The following COX10 variants were observed in gnomAD, a reference collection of about 807,000 sequenced individuals.
COX10 encodes cytochrome c oxidase assembly factor heme A:farnesyltransferase COX10, also known as protoheme IX farnesyltransferase, mitochondrial.
In COX10, 27 loss-of-function variants were observed where a neutral mutation model predicts 37.3. The ratio of observed to expected loss-of-function variants is 0.72; its 90% CI spans 0.53 to 1.00. COX10 has a LOEUF of 1.00. Among genes scored for constraint, COX10 ranks in the 50% least tolerant of loss-of-function variants. The pLI is 0.00. For missense variants in COX10, 475 were observed against 563.2 expected, an observed-to-expected ratio of 0.84 and a Z score of 1.59; for synonymous variants, 222 against 229.1, an observed-to-expected ratio of 0.97 and a Z score of 0.28.
At chr17:14,155,731 A>C (rs952471694) in intron 4 of COX10, among the ~76,000 whole-genome samples, 7 of 142,770 alleles carry the variant, frequency 4.9e-5, no homozygotes, top group East Asian at 2.0e-4. Context: ...AAAAAGAAAA[A>C]AAAAGAAAAC....
rs141973750 is a variant in COX10, at chr17:14,146,432, C to A, written c.625-13445C>A. 1.3e-4 allele frequency among the ~76,000 whole-genome samples: 20 copies of A among 152,226 alleles called. No homozygotes were observed. In the East Asian group the frequency reaches 3.7e-3, roughly 28 times the overall value. Reference sequence around the variant, plus strand: ...TCTTCAATAAATGGTGCAGGGAAAACTGGGTATTTATATTCAGAAGAATGA... The same window carrying A: ...TCTTCAATAAATGGTGCAGGGAAAAATGGGTATTTATATTCAGAAGAATGA... On this transcript the variant is annotated intron_variant, in intron 4 of 6. Transcript: ENST00000261643.
chr17:14,141,022 A>T (rs760790333), intron 4 of COX10, among the ~76,000 whole-genome samples: 10 of 152,146 alleles, frequency 6.6e-5, no homozygotes, highest in Non-Finnish European at 1.5e-4. Flanking sequence ...TTCAGAATTC[A>T]TACATGGATA....
At chr17:14,180,001 TAAA>T (rs1334827618) in intron 5 of COX10, among the ~76,000 whole-genome samples, 3 of 152,212 alleles carry the variant, frequency 2.0e-5, no homozygotes, top group Non-Finnish European at 4.4e-5. Flanking sequence ...ATTATTAACT[TAAA>T]GAACAGGGTT....
At position 14,077,011 on chromosome 17, in the gene COX10, G is replaced by T. The variant is rs767163386; in HGVS notation, c.454G>T (p.Asp152Tyr). 1.1e-5 allele frequency: 17 copies of T among 1,613,656 alleles called. No homozygotes were observed. The highest frequency in any genetic ancestry group is 1.3e-5 in the African/African-American group (1 of 74,756). ...GAAAGAGATGAAGCTGCAAGTGTAT[G>T]ATTTGCCAGGAATTTTGGCTCGACT... ...RWKEMKLQVY[D>Y]LPGILARLSK... Residue 152 changes from aspartate to tyrosine, a missense_variant, in exon 3 of 7, where the codon GAT becomes TAT. By Grantham distance (160) the Asp-to-Tyr change is radical (BLOSUM62 -3). Around this residue, in one of 5 missense-constraint regions of COX10, gnomAD observed 242 missense variants for 242.5 expected, o/e 1.00. Transcript: ENST00000261643.
At chr17:14,081,534 A>G (rs1373585031) in intron 3 of COX10, among the ~76,000 whole-genome samples, 5 of 152,186 alleles carry the variant, frequency 3.3e-5, no homozygotes, top group African/African-American at 9.6e-5. Flanking sequence ...TCTAGGCTCT[A>G]TCCTGTTCTG....
At chr17:14,181,994 G>A in intron 5 of COX10, 1 of 960,514 alleles carries the variant, frequency 1.0e-6, no homozygotes, top group Non-Finnish European at 1.2e-6. Flanking sequence ...ATTCATTTTG[G>A]TATTTTTTTC....
At chr17:14,164,599 T>G (rs1323191042) in intron 5 of COX10, among the ~76,000 whole-genome samples, 2 of 152,202 alleles carry the variant, frequency 1.3e-5, no homozygotes, top group South Asian at 2.1e-4. Flanking sequence ...TTTTCCAGAT[T>G]TCATCATTTG....
intron 1 of COX10, 41 bp from the exon 2 acceptor site, chr17:14,074,282 C>T (rs372619044): frequency 2.9e-5 from 46 of 1,612,514 alleles, no homozygotes; most frequent in Non-Finnish European, 3.6e-5. Flanking sequence ...ATAAGAAGTA[C>T]GAATCATTTA....
chr17:14,093,655 C>T (rs1272808889), intron 3 of COX10, among the ~76,000 whole-genome samples: 1 of 152,148 alleles, frequency 6.6e-6, no homozygotes, highest in East Asian at 1.9e-4. Context: ...GCATGCATGG[C>T]AGGGCTGCTT....
At chr17:14,107,875 G>A (rs1915931138) in intron 4 of COX10, among the ~76,000 whole-genome samples, 1 of 152,122 alleles carries the variant, frequency 6.6e-6, no homozygotes, top group South Asian at 2.1e-4. Flanking sequence ...GCCTTGATGA[G>A]TAGAATGCTC....
intron 6 of COX10, among the ~76,000 whole-genome samples, chr17:14,202,481 A>G (rs1232044422): frequency 1.3e-5 from 2 of 152,134 alleles, no homozygotes; most frequent in East Asian, 3.9e-4. Context: ...AGTGCTGAAT[A>G]TCATCAGGCA....
chr17:14,157,657 A>C (rs1203494405), intron 4 of COX10, among the ~76,000 whole-genome samples: 1 of 152,190 alleles, frequency 6.6e-6, no homozygotes, highest in Non-Finnish European at 1.5e-5. Context: ...CTGTAGAGTG[A>C]GCACTGCCAT....
At chr17:14,151,639 C>T (rs2142233544) in intron 4 of COX10, among the ~76,000 whole-genome samples, 1 of 151,766 alleles carries the variant, frequency 6.6e-6, no homozygotes, top group Admixed American at 6.6e-5. Flanking sequence ...ACCTTACAAG[C>T]ATTTAAATCA....
intron 6 of COX10, among the ~76,000 whole-genome samples, chr17:14,194,575 C>T (rs568130326): frequency 2.0e-5 from 3 of 152,174 alleles, no homozygotes; most frequent in African/African-American, 4.8e-5. Context: ...TACAGGCGCC[C>T]GCCACCACGC....
At chr17:14,073,099 G>A (rs1023089648) in intron 1 of COX10, among the ~76,000 whole-genome samples, 3 of 152,174 alleles carry the variant, frequency 2.0e-5, no homozygotes. Flanking sequence ...GCTTTGGTGG[G>A]TTGTGTGAGT....
chr17:14,116,212 T>C (rs1212598073), intron 4 of COX10, among the ~76,000 whole-genome samples: 1 of 152,206 alleles, frequency 6.6e-6, no homozygotes, highest in Non-Finnish European at 1.5e-5. Flanking sequence ...CCCGTTATCC[T>C]TTCTGGTGTT....
At chr17:14,079,697 C>T (rs564753475) in intron 3 of COX10, among the ~76,000 whole-genome samples, 2 of 152,106 alleles carry the variant, frequency 1.3e-5, no homozygotes, top group South Asian at 4.2e-4. Context: ...TCAAATAATA[C>T]AGAAGCATAT....
intron 6 of COX10, among the ~76,000 whole-genome samples, chr17:14,192,601 A>T (rs529698840): frequency 1.2e-4 from 18 of 152,212 alleles, no homozygotes; most frequent in Non-Finnish European, 2.4e-4. Context: ...GTCTCCCATC[A>T]AAGGGGTTTC....
Position 14,107,189 on chromosome 17 carries a change from A to G in COX10, c.624+4947A>G, listed in dbSNP as rs373124938. ...TCCCTGGGGCCCCAAATCACTCCCA[A>G]TTAGGAACCACTGCTTTAACAATTT... On this transcript the variant is annotated intron_variant, in intron 4 of 6. Coordinates refer to ENST00000261643, the MANE Select transcript of COX10 (RefSeq NM_001303.4). Among the ~76,000 whole-genome samples, 444 of 150,952 alleles carry G rather than the reference A, an allele frequency of 2.9e-3. 5 individuals are homozygous for G. Among genetic ancestry groups the G allele is most frequent in the Middle Eastern group, 0.021 (6 of 292 alleles).
Sources: allele counts gnomAD v4.1 joint callset (sites outside exome capture counted in the v4.1 genomes callset), GRCh38; gene constraint gnomAD v4.1.1; regional missense constraint gnomAD v4.1.1; transcripts MANE v1.5; gene names NCBI Gene and HGNC (gene_info 2026-07-23, HGNC 2026-07-21).